The following SH2D4A variants were observed in gnomAD, a reference collection of about 807,000 sequenced individuals.
SH2D4A encodes the protein SH2 domain-containing protein 4A.
Under a neutral mutation model 64.7 loss-of-function variants are expected in SH2D4A, and 70 were observed. The ratio of observed to expected loss-of-function variants is 1.08; its 90% confidence interval spans 0.89 to 1.32. The LOEUF is 1.32. Among genes scored for constraint, SH2D4A ranks in the 40% most tolerant of loss-of-function variants. The pLI, the probability that SH2D4A is intolerant of heterozygous loss-of-function variation, is 0.00. For missense variants in SH2D4A, 706 were observed against 540.1 expected (o/e 1.31, Z -3.04); for synonymous variants, 268 against 200.7 (o/e 1.34, Z -2.83).
intron 6 of SH2D4A, among the ~76,000 whole-genome samples, chr8:19,362,473 C>G (rs1479761831): frequency 2.0e-5 from 3 of 152,194 alleles, no homozygotes; most frequent in Non-Finnish European, 2.9e-5. Context: ...GGCACTGTGT[C>G]TCACTCCTGT....
chr8:19,374,130 G>C (rs2053156714), intron 8 of SH2D4A, among the ~76,000 whole-genome samples: 2 of 152,228 alleles, frequency 1.3e-5, no homozygotes. Flanking sequence ...AAATGAAGGA[G>C]TTGAACTTTG....
intron 7 of SH2D4A, among the ~76,000 whole-genome samples, chr8:19,369,937 T>C (rs1014935207): frequency 5.9e-5 from 9 of 152,148 alleles, no homozygotes; most frequent in African/African-American, 1.9e-4. Context: ...TTTTTTGATA[T>C]GTGTGTTTAT....
chr8:19,393,961 T>TAA (rs2053543534), intron 9 of SH2D4A, among the ~76,000 whole-genome samples: 1 of 152,164 alleles, frequency 6.6e-6, no homozygotes, highest in African/African-American at 2.4e-5. Context: ...TTGTTATATA[T>TAA]AATGAAATAA....
At chr8:19,356,831 C>T (rs796292160) in intron 4 of SH2D4A, among the ~76,000 whole-genome samples, 3 of 152,318 alleles carry the variant, frequency 2.0e-5, no homozygotes, top group African/African-American at 7.2e-5. Flanking sequence ...TTTCTTTGGC[C>T]TGCACTAAAA....
intron 4 of SH2D4A, among the ~76,000 whole-genome samples, chr8:19,351,374 C>CCCAGCACTTT (rs2052701765): frequency 6.6e-6 from 1 of 152,052 alleles, no homozygotes; most frequent in Non-Finnish European, 1.5e-5. Flanking sequence ...GAGGCCGAGG[C>CCCAGCACTTT]GGGTGGATCA....
At chr8:19,348,812 G>C (rs1486216609) in intron 4 of SH2D4A, among the ~76,000 whole-genome samples, 1 of 152,174 alleles carries the variant, frequency 6.6e-6, no homozygotes, top group Non-Finnish European at 1.5e-5. Context: ...GGTGAGTACC[G>C]AGCTTGGTGA....
chr8:19,315,282 C>T (rs1051537443), intron 1 of SH2D4A, among the ~76,000 whole-genome samples: 2 of 152,078 alleles, frequency 1.3e-5, no homozygotes, highest in Non-Finnish European at 2.9e-5. Flanking sequence ...ACTATAGGTG[C>T]GGGCCACCAC....
At chr8:19,372,632 T>C (rs542562966) in intron 7 of SH2D4A, among the ~76,000 whole-genome samples, 2 of 152,292 alleles carry the variant, frequency 1.3e-5, no homozygotes, top group South Asian at 4.1e-4. Context: ...GTTGTTGTGT[T>C]TAAATTGAAT....
At chr8:19,322,001 T>C (rs981538916) in intron 2 of SH2D4A, among the ~76,000 whole-genome samples, 1 of 151,904 alleles carries the variant, frequency 6.6e-6, no homozygotes, top group Non-Finnish European at 1.5e-5. Context: ...GAGAAAAGTA[T>C]GTTAATATAA....
At chr8:19,361,175 T>C in intron 5 of SH2D4A, 28 bp from the exon 6 acceptor site, 1 of 1,318,824 alleles carries the variant, frequency 7.6e-7, no homozygotes, top group Non-Finnish European at 1.1e-6. Context: ...GTTTTGTTTT[T>C]GTTTTTTTTT....
At chr8:19,325,549 C>T (rs1352539298) in intron 2 of SH2D4A, among the ~76,000 whole-genome samples, 5 of 152,144 alleles carry the variant, frequency 3.3e-5, no homozygotes, top group South Asian at 2.1e-4. Flanking sequence ...TTCCTAGCTG[C>T]GTGGCGAACA....
At chr8:19,347,457 C>A (rs1248783506) in intron 4 of SH2D4A, among the ~76,000 whole-genome samples, 1 of 152,142 alleles carries the variant, frequency 6.6e-6, no homozygotes, top group Non-Finnish European at 1.5e-5. Flanking sequence ...GCAGTGATGT[C>A]CCCCGTCCCC....
intron 4 of SH2D4A, among the ~76,000 whole-genome samples, chr8:19,350,075 G>GT (rs1188876981): frequency 6.6e-6 from 1 of 152,104 alleles, no homozygotes; most frequent in African/African-American, 2.4e-5. Flanking sequence ...TATCAATCAT[G>GT]TTTTTTTAAT....
intron 4 of SH2D4A, among the ~76,000 whole-genome samples, chr8:19,343,307 C>A (rs1013653295): frequency 1.3e-5 from 2 of 152,046 alleles, no homozygotes; most frequent in African/African-American, 4.8e-5. Context: ...CTGGTGCACA[C>A]CTGTAGTTCC....
At chr8:19,321,977 A>C (rs1023212931) in intron 2 of SH2D4A, among the ~76,000 whole-genome samples, 13 of 152,320 alleles carry the variant, frequency 8.5e-5, no homozygotes, top group African/African-American at 3.1e-4. Flanking sequence ...TAACTTTGTT[A>C]GTCAAATGAT....
chr8:19,322,000 A>G (rs1397283566), intron 2 of SH2D4A, among the ~76,000 whole-genome samples: 1 of 152,046 alleles, frequency 6.6e-6, no homozygotes, highest in South Asian at 2.1e-4. Flanking sequence ...TGAGAAAAGT[A>G]TGTTAATATA....
At chr8:19,389,459 AGAG>A (rs1218832291) in intron 8 of SH2D4A, among the ~76,000 whole-genome samples, 1 of 152,138 alleles carries the variant, frequency 6.6e-6, no homozygotes, top group Non-Finnish European at 1.5e-5. Flanking sequence ...TCACACACAG[AGAG>A]GAGTGGGACC....
intron 4 of SH2D4A, among the ~76,000 whole-genome samples, chr8:19,342,743 G>A (rs564110435): frequency 6.6e-6 from 1 of 152,286 alleles, no homozygotes; most frequent in African/African-American, 2.4e-5. Context: ...CGATCACACT[G>A]CTGGGATTAG....
At chr8:19,322,614 T>A (rs1289717047) in intron 2 of SH2D4A, among the ~76,000 whole-genome samples, 3 of 9,274 alleles carry the variant, frequency 3.2e-4, no homozygotes, top group Admixed American at 1.1e-3. Flanking sequence ...CTATTATTCT[T>A]TTTTTTTTTT....
Sources: gnomAD v4.1 joint callset for allele counts (sites outside exome capture counted in the v4.1 genomes callset) on GRCh38, gnomAD v4.1.1 for gene constraint, MANE v1.5 for transcripts, NCBI Gene and HGNC (gene_info 2026-07-23, HGNC 2026-07-21) for gene names.